The following NEK7 variants were observed in gnomAD, a reference collection of about 807,000 sequenced individuals.
NEK7 encodes NIMA related kinase 7, also known as serine/threonine-protein kinase Nek7.
NEK7 carries 18 observed loss-of-function variants against 44.6 expected under a neutral mutation model. The observed-to-expected ratio is 0.40, with a 90% CI of 0.28 to 0.60. The LOEUF (loss-of-function observed/expected upper bound fraction) is 0.60. Among genes scored for constraint, NEK7 ranks in the 20% least tolerant of loss-of-function variants. The probability of loss-of-function intolerance (pLI) is 0.38; values close to 1 mark genes in which losing one functional copy is unlikely to be tolerated. For missense variants in NEK7, 256 were observed against 366.5 expected (o/e 0.70, Z 2.46); for synonymous variants, 130 against 121.1 (o/e 1.07, Z -0.48).
chr1:198,192,694 A>C (rs1012599760), intron 1 of NEK7, among the ~76,000 whole-genome samples: 1 of 152,228 alleles, frequency 6.6e-6, no homozygotes, highest in Non-Finnish European at 1.5e-5. Context: ...GAAATTGAAC[A>C]GCCTGCTCCT....
chr1:198,225,531 T>C (rs1273802652), intron 1 of NEK7, among the ~76,000 whole-genome samples: 1 of 152,184 alleles, frequency 6.6e-6, no homozygotes, highest in Non-Finnish European at 1.5e-5. Flanking sequence ...CTTTCAAAGA[T>C]AGTGAACTTC....
At chr1:198,286,106 A>T (rs1358990295) in intron 7 of NEK7, among the ~76,000 whole-genome samples, 2 of 152,144 alleles carry the variant, frequency 1.3e-5, no homozygotes, top group African/African-American at 2.4e-5. Flanking sequence ...ATTTTGGTCA[A>T]TTTAAAACAT....
At position 198,319,622 on chromosome 1, in the gene NEK7, G is replaced by A. The variant is rs1432293290; in HGVS notation, c.*100G>A. Reference sequence around the variant, plus strand: ...CTGGTGTTAAGATTAATATTTCAGAGCTAGTGTGCTTTGAATCCTTAACCA... The same window carrying A: ...CTGGTGTTAAGATTAATATTTCAGAACTAGTGTGCTTTGAATCCTTAACCA... On this transcript the variant is annotated 3_prime_UTR_variant, in exon 10 of 10. Coordinates refer to ENST00000367385, the MANE Select transcript of NEK7 (RefSeq NM_133494.3). 4.5e-6 allele frequency: 6 copies of A among 1,340,750 alleles called. No individual in the cohort carries two copies. The highest frequency in any genetic ancestry group is 1.9e-6 in the Non-Finnish European group (2 of 1,034,308). 83.1% of individuals were successfully genotyped at this position (1,340,750 alleles called of 1,614,324 possible). A position where few individuals can be genotyped will look rare whatever the true frequency, so the allele number is the denominator to read the frequency against.
intron 7 of NEK7, among the ~76,000 whole-genome samples, chr1:198,285,481 C>T (rs868355790): frequency 6.6e-6 from 1 of 152,182 alleles, no homozygotes; most frequent in African/African-American, 2.4e-5. Context: ...AGGTAGCTGA[C>T]GTCCCTTCAT....
At chr1:198,257,636 C>T (rs1025085463) in intron 3 of NEK7, among the ~76,000 whole-genome samples, 1 of 152,066 alleles carries the variant, frequency 6.6e-6, no homozygotes, top group Non-Finnish European at 1.5e-5. Context: ...TAAATGAAAA[C>T]TAAGCATTTG....
At chr1:198,212,242 G>A (rs1427506505) in intron 1 of NEK7, among the ~76,000 whole-genome samples, 1 of 152,038 alleles carries the variant, frequency 6.6e-6, no homozygotes, top group Non-Finnish European at 1.5e-5. Context: ...GTGTGCTGTA[G>A]CCACAGGTGC....
At chr1:198,257,061 T>C (rs1653291270) in intron 3 of NEK7, among the ~76,000 whole-genome samples, 1 of 152,218 alleles carries the variant, frequency 6.6e-6, no homozygotes, top group Non-Finnish European at 1.5e-5. Flanking sequence ...TGATCCTTTG[T>C]TCATTAATGC....
chr1:198,234,947 T>TA (rs1314277617), intron 2 of NEK7, among the ~76,000 whole-genome samples: 6 of 152,220 alleles, frequency 3.9e-5, no homozygotes, highest in African/African-American at 1.2e-4. Context: ...TGAAAAACGT[T>TA]ACTGCTCTCA....
intron 1 of NEK7, among the ~76,000 whole-genome samples, chr1:198,209,054 T>TATATAC (rs1665686186): frequency 2.1e-5 from 2 of 93,704 alleles, no homozygotes; most frequent in South Asian, 8.0e-4. Context: ...TATATATATA[T>TATATAC]ATATACACAC....
chr1:198,269,005 A>G (rs1653749471), intron 5 of NEK7, among the ~76,000 whole-genome samples: 1 of 152,092 alleles, frequency 6.6e-6, no homozygotes, highest in Non-Finnish European at 1.5e-5. Context: ...AGAGTACTTT[A>G]TGGTATAAGT....
At chr1:198,227,145 T>G (rs546241904) in intron 1 of NEK7, among the ~76,000 whole-genome samples, 5 of 152,168 alleles carry the variant, frequency 3.3e-5, no homozygotes, top group African/African-American at 1.2e-4. Context: ...TGCGATAGTT[T>G]GCTGAGAATG....
intron 3 of NEK7, among the ~76,000 whole-genome samples, chr1:198,254,810 G>A (rs1331897894): frequency 6.6e-6 from 1 of 152,118 alleles, no homozygotes; most frequent in East Asian, 1.9e-4. Flanking sequence ...AGTCTTCTCT[G>A]TTTTAATATG....
At chr1:198,303,261 G>A (rs1654939173) in intron 9 of NEK7, among the ~76,000 whole-genome samples, 1 of 152,078 alleles carries the variant, frequency 6.6e-6, no homozygotes, top group African/African-American at 2.4e-5. Context: ...GTTACAGTTT[G>A]TCATAATTTT....
intron 7 of NEK7, among the ~76,000 whole-genome samples, chr1:198,287,697 C>T (rs1184660254): frequency 1.3e-5 from 2 of 151,096 alleles, no homozygotes; most frequent in African/African-American, 4.9e-5. Flanking sequence ...GCTTGTTGTA[C>T]ATCCTAAAAA....
At chr1:198,208,706 T>C (rs925155197) in intron 1 of NEK7, 4 of 152,148 alleles carry the variant, frequency 2.6e-5, no homozygotes, top group African/African-American at 9.7e-5. Context: ...ATTTTAGTAT[T>C]TGAGATAATT....
chr1:198,240,055 T>C (rs1666640477), intron 2 of NEK7, among the ~76,000 whole-genome samples: 1 of 152,210 alleles, frequency 6.6e-6, no homozygotes, highest in Admixed American at 6.5e-5. Flanking sequence ...GACATTCCTA[T>C]ACTGCCTGGT....
chr1:198,266,707 T>G (rs1258893884), intron 5 of NEK7, among the ~76,000 whole-genome samples: 1 of 152,082 alleles, frequency 6.6e-6, no homozygotes, highest in African/African-American at 2.4e-5. Flanking sequence ...TTATGATGGT[T>G]AAGTAATATA....
rs1655555301 is a variant in NEK7 at position 198,322,349 on chromosome 1, T to C, written c.*2827T>C. The C allele has an allele frequency of 6.6e-6, 1 of 152,154 alleles. No homozygotes were observed. The highest frequency in any genetic ancestry group is 6.5e-5 in the Admixed American group (1 of 15,278). The allele number at this position is 152,154 out of a possible 1,614,324, so 9.4% of individuals were successfully genotyped here. On this transcript the variant is annotated 3_prime_UTR_variant, in exon 10 of 10. Transcript: ENST00000367385. The stretch of plus-strand genomic sequence containing the variant: ...AAATATACATACAAAAAGATTTCTG[T>C]TATTAGCTTTGAAAATTGTATAATA...
intron 9 of NEK7, among the ~76,000 whole-genome samples, chr1:198,309,179 C>T (rs1655101400): frequency 6.6e-6 from 1 of 152,094 alleles, no homozygotes; most frequent in Non-Finnish European, 1.5e-5. Flanking sequence ...ATACAGTGAG[C>T]AGATGCATGG....
Sources: gnomAD v4.1 joint callset for allele counts (sites outside exome capture counted in the v4.1 genomes callset) on GRCh38, gnomAD v4.1.1 for gene constraint, MANE v1.5 for transcripts, NCBI Gene and HGNC (gene_info 2026-07-23, HGNC 2026-07-21) for gene names.